PLXDC2: variants seen among roughly 807,000 people sequenced by gnomAD.
The protein encoded by PLXDC2 is plexin domain-containing protein 2.
Under a neutral mutation model 68.9 loss-of-function variants are expected in PLXDC2, and 40 were observed. The ratio of observed to expected loss-of-function variants is 0.58; its 90% CI spans 0.45 to 0.76. PLXDC2 has a LOEUF of 0.76. PLXDC2 is among the 30% of genes least tolerant of loss of function. PLXDC2 has a pLI of 0.00. For missense variants in PLXDC2, 644 were observed against 661.9 expected, an observed-to-expected ratio of 0.97 and a Z score of 0.30; for synonymous variants, 243 against 234.2, an observed-to-expected ratio of 1.04 and a Z score of -0.34.
At chr10:20,176,941 C>G in intron 7 of PLXDC2, 58 bp from the exon 8 acceptor site, 1 of 1,249,386 alleles carries the variant, frequency 8.0e-7, no homozygotes, top group Non-Finnish European at 1.1e-6. Flanking sequence ...TATTAAAATG[C>G]TGTTGTTTTG....
chr10:19,854,221 G>A (rs574863092), intron 1 of PLXDC2, among the ~76,000 whole-genome samples: 8 of 152,284 alleles, frequency 5.3e-5, no homozygotes, highest in East Asian at 1.9e-4. Context: ...TGAGCAGATC[G>A]GGACATCATA....
At chr10:20,049,303 A>C (rs1030723341) in intron 3 of PLXDC2, among the ~76,000 whole-genome samples, 7 of 152,132 alleles carry the variant, frequency 4.6e-5, no homozygotes, top group African/African-American at 1.7e-4. Flanking sequence ...CTGGCACAAC[A>C]CAAGGATGAC....
intron 1 of PLXDC2, among the ~76,000 whole-genome samples, chr10:19,863,990 C>T (rs945708051): frequency 2.0e-5 from 3 of 151,964 alleles, no homozygotes; most frequent in Non-Finnish European, 2.9e-5. Context: ...TGAAGCAAAA[C>T]GCTATTTTTA....
At chr10:19,981,481 A>G (rs1388163872) in intron 1 of PLXDC2, among the ~76,000 whole-genome samples, 11 of 152,118 alleles carry the variant, frequency 7.2e-5, no homozygotes, top group Non-Finnish European at 1.6e-4. Flanking sequence ...TCCGTTGGAG[A>G]TGATGGGTGA....
intron 1 of PLXDC2, among the ~76,000 whole-genome samples, chr10:19,988,108 A>G (rs1193514630): frequency 2.6e-5 from 4 of 152,176 alleles, no homozygotes; most frequent in Non-Finnish European, 5.9e-5. Context: ...CATCATTTAC[A>G]TAATCACCAT....
chr10:20,276,836 T>G (rs12355139), intron 13 of PLXDC2, among the ~76,000 whole-genome samples: 26,992 of 151,994 alleles, frequency 0.18, 2,778 homozygotes, highest in Middle Eastern at 0.33. Context: ...GAGGATCAGG[T>G]TTTCAGATCC....
At chr10:20,238,677 G>GTATATATATATATATATGTATA (rs10633613) in intron 12 of PLXDC2, among the ~76,000 whole-genome samples, 1 of 76,884 alleles carries the variant, frequency 1.3e-5, no homozygotes, top group African/African-American at 4.7e-5. Context: ...ATATATATAT[G>GTATATATATATATATATGTATA]TATATATATA....
chr10:20,056,891 C>T (rs375158202), intron 3 of PLXDC2, among the ~76,000 whole-genome samples: 1 of 152,074 alleles, frequency 6.6e-6, no homozygotes, highest in Non-Finnish European at 1.5e-5. Context: ...TTTAAAGGCA[C>T]GAGTGAGGCA....
At chr10:20,045,802 C>A (rs566662478) in intron 2 of PLXDC2, among the ~76,000 whole-genome samples, 10 of 152,172 alleles carry the variant, frequency 6.6e-5, no homozygotes, top group South Asian at 2.1e-4. Context: ...CTTACATTTA[C>A]CTGAATGTTT....
intron 1 of PLXDC2, among the ~76,000 whole-genome samples, chr10:19,871,546 C>T (rs533476086): frequency 2.0e-5 from 3 of 152,184 alleles, no homozygotes; most frequent in African/African-American, 4.8e-5. Context: ...ATCCAATATC[C>T]GTTTCTTGTC....
At chr10:20,187,212 C>T in intron 9 of PLXDC2, among the ~76,000 whole-genome samples, 1 of 151,772 alleles carries the variant, frequency 6.6e-6, no homozygotes, top group East Asian at 1.9e-4. Context: ...AGCAATAAAG[C>T]CTGCTTACTC....
intron 6 of PLXDC2, among the ~76,000 whole-genome samples, chr10:20,155,773 TC>T (rs1279615067): frequency 6.6e-6 from 1 of 152,204 alleles, no homozygotes; most frequent in Non-Finnish European, 1.5e-5. Context: ...TGAATTATTC[TC>T]CCTTGATCAT....
chr10:20,273,757 G>A (rs776979720), intron 13 of PLXDC2, among the ~76,000 whole-genome samples: 5 of 152,294 alleles, frequency 3.3e-5, no homozygotes, highest in Non-Finnish European at 7.4e-5. Context: ...TGGCTCACGC[G>A]TGTAATCCCC....
intron 4 of PLXDC2, among the ~76,000 whole-genome samples, chr10:20,071,682 G>T (rs1836318267): frequency 6.6e-6 from 1 of 152,136 alleles, no homozygotes. Context: ...GGTATGCCAT[G>T]AGAAAAGACT....
intron 8 of PLXDC2, 38 bp from the exon 9 acceptor site, chr10:20,177,290 T>C (rs1303370214): frequency 1.3e-6 from 2 of 1,506,876 alleles, no homozygotes; most frequent in Admixed American, 1.7e-5. Context: ...CCAAGTTGCC[T>C]GTTAGTCTTG....
chr10:19,970,369 G>C (rs1279142894), intron 1 of PLXDC2, among the ~76,000 whole-genome samples: 8 of 152,194 alleles, frequency 5.3e-5, no homozygotes, highest in Non-Finnish European at 2.9e-5. Flanking sequence ...TTAGCCCCTT[G>C]ACAGATTACA....
At position 20,042,852 on chromosome 10, in the gene PLXDC2, C is replaced by A. The variant is rs147125576; in HGVS notation, c.325-4017C>A. 1.3e-4 allele frequency among the ~76,000 whole-genome samples: 20 copies of A among 152,276 alleles called. No homozygotes were observed. The East Asian group carries it at 3.5e-3, about 26-fold the overall frequency. On this transcript the variant is annotated intron_variant, in intron 2 of 13. Transcript: ENST00000377252. Reference sequence around the variant, plus strand: ...TTGTCTACAGCTGCACATTTCCATGCATTTTCGAGAAACATGGATTTATAC... The same window carrying A: ...TTGTCTACAGCTGCACATTTCCATGAATTTTCGAGAAACATGGATTTATAC...
intron 10 of PLXDC2, among the ~76,000 whole-genome samples, chr10:20,213,534 C>G (rs1835097326): frequency 1.3e-5 from 2 of 152,048 alleles, no homozygotes; most frequent in African/African-American, 4.8e-5. Context: ...AAATATTAAA[C>G]TCACCTTGTC....
chr10:20,084,014 A>G (rs375244235), intron 4 of PLXDC2, among the ~76,000 whole-genome samples: 12 of 152,356 alleles, frequency 7.9e-5, no homozygotes, highest in African/African-American at 2.2e-4. Context: ...TTAATTAACA[A>G]TGTTATAACT....
Sources: gnomAD v4.1 joint callset for allele counts (sites outside exome capture counted in the v4.1 genomes callset) on GRCh38, gnomAD v4.1.1 for gene constraint, MANE v1.5 for transcripts, NCBI Gene and HGNC (gene_info 2026-07-23, HGNC 2026-07-21) for gene names.